ANKRD18A: variants seen among roughly 807,000 people sequenced by gnomAD.
ANKRD18A encodes ankyrin repeat domain 18A.
In ANKRD18A, 72 loss-of-function variants were observed where a neutral mutation model predicts 110.6. That is an observed-to-expected ratio of 0.65 (90% CI 0.54 to 0.79). ANKRD18A has a LOEUF of 0.79. Ranked by LOEUF, ANKRD18A falls within the 30% of genes least tolerant of loss-of-function variation. The probability of loss-of-function intolerance (pLI) is 0.00; values close to 1 mark genes in which losing one functional copy is unlikely to be tolerated. For missense variants in ANKRD18A, 934 were observed against 1,163.3 expected (o/e 0.80, Z 2.87); for synonymous variants, 305 against 410.3 (o/e 0.74, Z 3.10).
chr9:38,574,784 T>C (rs768450102), intron 15 of ANKRD18A, among the ~76,000 whole-genome samples: 3 of 152,210 alleles, frequency 2.0e-5, no homozygotes, highest in South Asian at 2.1e-4. Context: ...AAGAGTTAAG[T>C]TGGTGCAAAG....
chr9:38,612,325 T>C (rs556322241), intron 3 of ANKRD18A, among the ~76,000 whole-genome samples: 55 of 152,186 alleles, frequency 3.6e-4, no homozygotes, highest in Non-Finnish European at 4.7e-4. Context: ...GGGACGTTAA[T>C]GCAACTTTAC....
intron 5 of ANKRD18A, among the ~76,000 whole-genome samples, chr9:38,607,995 T>C (rs758982771): frequency 3.3e-4 from 51 of 152,336 alleles, no homozygotes; most frequent in Non-Finnish European, 5.3e-4. Flanking sequence ...TAAAACCTGA[T>C]GAGTGTTTTT....
intron 5 of ANKRD18A, among the ~76,000 whole-genome samples, chr9:38,608,738 T>C (rs1413038853): frequency 1.4e-5 from 2 of 147,704 alleles, no homozygotes; most frequent in Non-Finnish European, 3.0e-5. Flanking sequence ...ATAGATTATA[T>C]AATCTATATG....
In ANKRD18A at chr9:38,610,573, TTC is replaced by T. The variant is rs1825572290; in HGVS notation, c.603-165_603-164del. 3.3e-5 allele frequency among the ~76,000 whole-genome samples: 5 copies of T among 152,282 alleles called. No individual in the cohort carries two copies. The South Asian group carries it at 1.0e-3, about 32-fold the overall frequency. ...TATAAGCATCTTGGGTGCTCAAGTG[TTC>T]ATCTTGTTAAATTACCACCAAGGCT... On this transcript the variant is annotated intron_variant, in intron 4 of 15. Transcript: ENST00000399703.
In ANKRD18A at chr9:38,583,482, C is replaced by T. The variant is rs575534661; in HGVS notation, c.2247+2701G>A. Among the ~76,000 whole-genome samples the T allele has an allele frequency of 6.3e-3, 954 of 152,204 alleles. 8 individuals carry two copies. Among genetic ancestry groups the T allele is most frequent in the African/African-American group, 0.022 (913 of 41,532 alleles). ...CACTGCAACCTCTGCCTCCTGGGTC[C>T]GGGTTCAAGCAATTCTCCTGCCTCA... On this transcript the variant is annotated intron_variant, in intron 12 of 15. Transcript: ENST00000399703.
intron 15 of ANKRD18A, chr9:38,572,778 C>T (rs1051758778): frequency 3.5e-5 from 6 of 171,004 alleles, no homozygotes; most frequent in Admixed American, 1.3e-4. Flanking sequence ...TTTGGAGAAT[C>T]GTTTCAGTGT....
intron 9 of ANKRD18A, 21 bp downstream of exon 9, chr9:38,595,465 T>C (rs1176854154): frequency 6.9e-7 from 1 of 1,442,482 alleles, no homozygotes; most frequent in Non-Finnish European, 9.1e-7. Flanking sequence ...TCCAGAAGTT[T>C]ATAGTTTTCT....
Position 38,571,690 on chromosome 9 carries a change from A to T in ANKRD18A, c.*355T>A. 1 of 1,034,772 alleles carries T rather than the reference A, an allele frequency of 9.7e-7. No individual in the cohort carries two copies. The highest frequency in any genetic ancestry group is 1.2e-6 in the Non-Finnish European group (1 of 863,124). 64.1% of individuals were successfully genotyped at this position (1,034,772 alleles called of 1,614,324 possible). A position where few individuals can be genotyped will look rare whatever the true frequency, so the allele number is the denominator to read the frequency against. ...GACCTTTACTAAAGTATCAATGATG[A>T]CTTGGTTGTTTGGCTGTTTAAACAG... is the stretch of plus-strand genomic sequence containing the variant. On this transcript the variant is annotated 3_prime_UTR_variant, in exon 16 of 16. Transcript: ENST00000399703.
At chr9:38,574,609 AC>A (rs1823800380) in intron 15 of ANKRD18A, among the ~76,000 whole-genome samples, 2 of 152,210 alleles carry the variant, frequency 1.3e-5, no homozygotes, top group South Asian at 4.1e-4. Context: ...GAGCCACCAC[AC>A]CTGGCCAAGC....
rs1823850715 is a variant in ANKRD18A, at chr9:38,575,597, A to T, written c.2843T>A (p.Leu948Ter). Reference sequence around the variant, plus strand: ...ACTATTAAGATTTTCAACACAAGGTAACTCTGGTTCTGGCCTTGTAGGAAG... The same window carrying T: ...ACTATTAAGATTTTCAACACAAGGTTACTCTGGTTCTGGCCTTGTAGGAAG... Reference protein sequence around the residue: ...STLPTRPEPELPCVENLNSIE... With the variant: ...STLPTRPEPE Residue 948 changes from leucine (L) to a stop codon, truncating the protein, a stop_gained, in exon 15 of 16, where the codon TTA (leucine) becomes TAA (stop). Coordinates refer to ENST00000399703, the MANE Select transcript of ANKRD18A (RefSeq NM_147195.4). LOFTEE classifies it high-confidence loss of function. 1 of 1,551,530 alleles carries T rather than the reference A, an allele frequency of 6.4e-7. No homozygotes were observed.
Position 38,610,291 on chromosome 9 carries a change from A to C in ANKRD18A, c.722T>G (p.Leu241Arg), listed in dbSNP as rs2118866159. The C allele has an allele frequency of 6.5e-7, 1 of 1,546,008 alleles. No homozygotes were observed. Among genetic ancestry groups the C allele is most frequent in the East Asian group, 2.4e-5 (1 of 40,888 alleles). ...MFGQTAEDYA[L>R]CSDLRSIRQQ... ...CACATACCTTCTCAAATCAGAACAA[A>C]GAGCATAATCCTCGGCAGTTTGGCC... is the stretch of plus-strand genomic sequence containing the variant. Residue 241 changes from leucine (L) to arginine (R), a missense_variant, in exon 5 of 16, where the codon CTT (leucine) becomes CGT (arginine). Physicochemically the swap from Leu to Arg is moderately radical, Grantham distance 102 (BLOSUM62 -2). This residue lies in a region of ANKRD18A where 630 missense variants were observed against 797.5 expected (regional missense o/e 0.79). Coordinates refer to ENST00000399703, the MANE Select transcript of ANKRD18A (RefSeq NM_147195.4).
At chr9:38,603,938 T>C (rs1563971433) in intron 6 of ANKRD18A, among the ~76,000 whole-genome samples, 1 of 152,222 alleles carries the variant, frequency 6.6e-6, no homozygotes, top group African/African-American at 2.4e-5. Flanking sequence ...AAGCTAATCA[T>C]ATAACTACAT....
intron 10 of ANKRD18A, among the ~76,000 whole-genome samples, chr9:38,592,574 G>A (rs1052080029): frequency 1.4e-4 from 21 of 152,144 alleles, no homozygotes; most frequent in African/African-American, 5.1e-4. Context: ...TAACTCTGAG[G>A]ATAGAGTCCA....
rs760222083 is a variant in ANKRD18A at position 38,615,732 on chromosome 9, A to G, written c.357T>C (p.Val119=). 2 of 1,612,992 alleles carry G rather than the reference A, an allele frequency of 1.2e-6. No homozygotes were observed. The highest frequency in any genetic ancestry group is 2.2e-5 in the South Asian group (2 of 91,026). The change falls in exon 3 of 16, where the codon GTT becomes GTC. Residue 119 remains valine (V), a synonymous_variant. Coordinates refer to ENST00000399703, the MANE Select transcript of ANKRD18A (RefSeq NM_147195.4). Reference sequence around the variant, plus strand: ...TTGGATTGGCGCCACATTCCAGGAGAACGATGGCACAAGCCTCTTCCTGGC... The same window carrying G: ...TTGGATTGGCGCCACATTCCAGGAGGACGATGGCACAAGCCTCTTCCTGGC... ...VHSQEEACAI[V]LLECGANPNI...
At position 38,575,697 on chromosome 9, in the gene ANKRD18A, A is replaced by G; in HGVS notation, c.2743T>C (p.Ser915Pro). ...NNSMSKKLMK[S>P]DKKIAVISTK... is the part of the protein sequence containing the mutation. Reference sequence around the variant, plus strand: ...CTGATCACTGCTATTTTCTTATCCGATCTGTAAAGAGAGCAAAGACAAATG... The same window carrying G: ...CTGATCACTGCTATTTTCTTATCCGGTCTGTAAAGAGAGCAAAGACAAATG... The change falls in exon 15 of 16, where the codon TCG becomes CCG. Residue 915 changes from serine to proline, a missense_variant and splice_region_variant. Around this residue, in one of 4 missense-constraint regions of ANKRD18A, gnomAD observed 223 missense variants for 226.7 expected, o/e 0.98. Coordinates refer to ENST00000399703, the MANE Select transcript of ANKRD18A (RefSeq NM_147195.4). 6.5e-7 allele frequency: 1 copy of G among 1,549,112 alleles called. No homozygotes were observed. The highest frequency in any genetic ancestry group is 8.7e-7 in the Non-Finnish European group (1 of 1,145,930).
chr9:38,603,052 A>G, intron 7 of ANKRD18A, 107 bp downstream of exon 7: 1 of 1,430,290 alleles, frequency 7.0e-7, no homozygotes, highest in Non-Finnish European at 9.4e-7. Context: ...AGACTGATGT[A>G]CTCCATGGAT....
intron 10 of ANKRD18A, among the ~76,000 whole-genome samples, chr9:38,592,720 GC>G (rs1417169455): frequency 6.6e-6 from 1 of 152,012 alleles, no homozygotes; most frequent in Non-Finnish European, 1.5e-5. Flanking sequence ...AACTGGTGTA[GC>G]CATGAAATAG....
intron 12 of ANKRD18A, among the ~76,000 whole-genome samples, chr9:38,579,079 AC>A (rs2118667452): frequency 6.6e-6 from 1 of 152,356 alleles, no homozygotes; most frequent in East Asian, 1.9e-4. Flanking sequence ...GGTGCCAAGA[AC>A]ATACATTGGG....
intron 5 of ANKRD18A, among the ~76,000 whole-genome samples, chr9:38,609,500 A>C (rs1825507957): frequency 1.3e-5 from 2 of 152,132 alleles, no homozygotes; most frequent in South Asian, 4.2e-4. Flanking sequence ...AAAACAAAAC[A>C]AAACAAAACA....
Sources: gnomAD v4.1 joint callset for allele counts (sites outside exome capture counted in the v4.1 genomes callset) on GRCh38, gnomAD v4.1.1 for gene constraint, gnomAD v4.1.1 regional missense constraint, MANE v1.5 for transcripts, NCBI Gene and HGNC (gene_info 2026-07-23, HGNC 2026-07-21) for gene names.